The following AGMO variants were observed in gnomAD, a reference collection of about 807,000 sequenced individuals.
AGMO encodes alkylglycerol monooxygenase, also known as glyceryl-ether monooxygenase.
AGMO carries 75 observed loss-of-function variants against 60.2 expected under a neutral mutation model. That is an observed-to-expected ratio of 1.25 (90% CI 1.03 to 1.51). The LOEUF (loss-of-function observed/expected upper bound fraction) is 1.51, where lower values mean the gene tolerates loss of function less well. Ranked by LOEUF, AGMO falls within the 40% of genes most tolerant of loss-of-function variation. The pLI is 0.00. For missense variants in AGMO, 763 were observed against 525.5 expected, an observed-to-expected ratio of 1.45 and a Z score of -4.42; for synonymous variants, 261 against 177.1, an observed-to-expected ratio of 1.47 and a Z score of -3.76.
At chr7:15,297,585 A>AT (rs776875674) in intron 12 of AGMO, among the ~76,000 whole-genome samples, 2 of 152,192 alleles carry the variant, frequency 1.3e-5, no homozygotes, top group African/African-American at 2.4e-5. Flanking sequence ...GAAGTTGAGA[A>AT]TAAGATACAG....
chr7:15,522,379 G>A (rs1203522993), intron 3 of AGMO, among the ~76,000 whole-genome samples: 2 of 152,060 alleles, frequency 1.3e-5, no homozygotes, highest in Non-Finnish European at 2.9e-5. Flanking sequence ...CCAAAAAAGA[G>A]CCTGTATAGC....
intron 12 of AGMO, among the ~76,000 whole-genome samples, chr7:15,273,666 C>T (rs144373214): frequency 0.031 from 4,773 of 152,122 alleles, 262 homozygotes; most frequent in African/African-American, 0.11. Context: ...AAGAAAGTCA[C>T]TGGTAGGTTG....
Position 15,365,566 on chromosome 7 carries a change from T to G in AGMO, c.1211A>C (p.Tyr404Ser), listed in dbSNP as rs755519607. ...TLRCLMFLML[Y>S]RFGHLKPLVP... ...AAGAGGCTTCAGGTGACCAAATCGGTACAGCATTAAGAACATCAAGCAACG... is the reference window on the plus strand; with the variant it reads ...AAGAGGCTTCAGGTGACCAAATCGGGACAGCATTAAGAACATCAAGCAACG... Residue 404 changes from tyrosine (Y) to serine (S), a missense_variant, in exon 12 of 13, where the codon TAC becomes TCC. By Grantham distance (144) the Tyr-to-Ser change is moderately radical. Coordinates refer to ENST00000342526, the MANE Select transcript of AGMO (RefSeq NM_001004320.2). 8.7e-6 allele frequency: 14 copies of G among 1,612,746 alleles called. No homozygotes were observed. Among genetic ancestry groups the G allele is most frequent in the African/African-American group, 1.3e-5 (1 of 74,818 alleles).
intron 2 of AGMO, among the ~76,000 whole-genome samples, chr7:15,558,018 T>C (rs1362492147): frequency 7.3e-6 from 1 of 136,070 alleles, no homozygotes; most frequent in Non-Finnish European, 1.6e-5. Context: ...TCTCTCTCTC[T>C]CCCCCCTTTC....
At chr7:15,124,758 T>C in the AGMO span, among the ~76,000 whole-genome samples, 1 of 152,182 alleles carries the variant, frequency 6.6e-6, no homozygotes, top group Non-Finnish European at 1.5e-5. Flanking sequence ...ATTAACCACT[T>C]CTCAGGATGT....
intron 12 of AGMO, among the ~76,000 whole-genome samples, chr7:15,261,552 T>G (rs191565635): frequency 3.3e-5 from 5 of 152,068 alleles, no homozygotes; most frequent in Non-Finnish European, 7.4e-5. Context: ...CCAGACTGAA[T>G]CACAGCTGAA....
At chr7:15,380,505 C>G (rs79758092) in intron 10 of AGMO, among the ~76,000 whole-genome samples, 14,450 of 151,990 alleles carry the variant, frequency 0.095, 909 homozygotes, top group South Asian at 0.16. Context: ...TCAAAGAAAT[C>G]GGATATTGAC....
intron 12 of AGMO, among the ~76,000 whole-genome samples, chr7:15,336,351 GTTTA>G (rs537869017): frequency 4.5e-4 from 68 of 150,916 alleles, no homozygotes; most frequent in African/African-American, 1.4e-3. Context: ...CTATTTTAAG[GTTTA>G]TTTGTTTTCT....
At chr7:15,133,305 T>C in the AGMO span, among the ~76,000 whole-genome samples, 1 of 152,186 alleles carries the variant, frequency 6.6e-6, no homozygotes, top group African/African-American at 2.4e-5. Flanking sequence ...TGTAGCAATA[T>C]CCAGCTACTC....
chr7:15,497,303 C>T (rs2128523627), intron 3 of AGMO, among the ~76,000 whole-genome samples: 1 of 152,166 alleles, frequency 6.6e-6, no homozygotes, highest in African/African-American at 2.4e-5. Flanking sequence ...ACTTGTCAAA[C>T]TCCAAAGCCT....
At chr7:15,247,459 C>CAGAGAGAGAGAGAGAG (rs35939832) in intron 12 of AGMO, among the ~76,000 whole-genome samples, 29 of 115,280 alleles carry the variant, frequency 2.5e-4, no homozygotes, top group African/African-American at 9.2e-4. Flanking sequence ...CACACACACA[C>CAGAGAGAGAGAGAGAG]AGAGAGAGAG....
In AGMO at chr7:15,274,694, G is replaced by A. The variant is rs1250573397; in HGVS notation, c.1264-73335C>T. Among the ~76,000 whole-genome samples, 6 of 143,460 alleles carry A rather than the reference G, an allele frequency of 4.2e-5. No individual in the cohort carries two copies. The Admixed American group carries it at 4.3e-4, about 10-fold the overall frequency. 94.1% of individuals were successfully genotyped at this position (143,460 alleles called of 152,430 possible). A position where few individuals can be genotyped will look rare whatever the true frequency, so the allele number is the denominator to read the frequency against. ...CAGTTGTGGATCCATCTGGTGATGG[G>A]CTTTTTTTTTTTTGGTAGATTTTTT... On this transcript the variant is annotated intron_variant, in intron 12 of 12. Transcript: ENST00000342526.
intron 12 of AGMO, among the ~76,000 whole-genome samples, chr7:15,336,631 A>G (rs1781671464): frequency 6.6e-6 from 1 of 152,178 alleles, no homozygotes; most frequent in Non-Finnish European, 1.5e-5. Flanking sequence ...CACATTCTTT[A>G]GATTGTAGAA....
intron 12 of AGMO, chr7:15,306,223 T>C: frequency 4.1e-6 from 1 of 242,344 alleles, no homozygotes; most frequent in Non-Finnish European, 8.2e-6. Context: ...ATTGACTTCA[T>C]TAAATGCAAC....
chr7:15,167,403 T>C, the AGMO span, among the ~76,000 whole-genome samples: 3 of 152,184 alleles, frequency 2.0e-5, no homozygotes, highest in Non-Finnish European at 4.4e-5. Flanking sequence ...GAGACTTATA[T>C]TCAATAATAA....
intron 10 of AGMO, among the ~76,000 whole-genome samples, chr7:15,382,095 T>C (rs1783717258): frequency 2.0e-5 from 3 of 152,098 alleles, no homozygotes; most frequent in Non-Finnish European, 4.4e-5. Context: ...GATAAAATAA[T>C]CCATACAACA....
chr7:15,535,809 T>A (rs964127060), intron 3 of AGMO, among the ~76,000 whole-genome samples: 3 of 151,892 alleles, frequency 2.0e-5, no homozygotes, highest in Non-Finnish European at 2.9e-5. Context: ...TTATACTCTT[T>A]TAGTTATTTT....
chr7:15,548,841 G>A (rs886230520), intron 2 of AGMO, among the ~76,000 whole-genome samples: 37 of 151,994 alleles, frequency 2.4e-4, no homozygotes, highest in African/African-American at 7.5e-4. Context: ...CCTCGAGAAG[G>A]GCAACTCCAA....
the AGMO span, among the ~76,000 whole-genome samples, chr7:15,142,418 C>A: frequency 6.6e-6 from 1 of 152,096 alleles, no homozygotes; most frequent in Non-Finnish European, 1.5e-5. Context: ...TTCTTCAGAT[C>A]TAGAAAGGTT....
Sources: allele counts gnomAD v4.1 joint callset (sites outside exome capture counted in the v4.1 genomes callset), GRCh38; gene constraint gnomAD v4.1.1; transcripts MANE v1.5; gene names NCBI Gene and HGNC (gene_info 2026-07-23, HGNC 2026-07-21).